The following PCDH7 variants were observed in gnomAD, a reference collection of about 807,000 sequenced individuals.
The protein encoded by PCDH7 is protocadherin 7.
A neutral mutation model predicts 58.9 loss-of-function variants in PCDH7; 17 were observed. That is an observed-to-expected ratio of 0.29 (90% CI 0.20 to 0.43). The LOEUF (loss-of-function observed/expected upper bound fraction) is 0.43. Ranked by LOEUF, PCDH7 falls within the 20% of genes least tolerant of loss-of-function variation. PCDH7 has a pLI of 1.00. For synonymous variants in PCDH7, 664 were observed against 616.4 expected (o/e 1.08, Z -1.14); for missense variants, 1,274 against 1,441.0 (o/e 0.88, Z 1.88).
intron 2 of PCDH7, among the ~76,000 whole-genome samples, chr4:30,931,698 T>C (rs928463885): frequency 6.6e-6 from 1 of 151,920 alleles, no homozygotes; most frequent in South Asian, 2.1e-4. Context: ...AGAACACACT[T>C]GAGAACTTCT....
chr4:30,886,637 G>T (rs1027340431), intron 1 of PCDH7, among the ~76,000 whole-genome samples: 2 of 149,938 alleles, frequency 1.3e-5, no homozygotes, highest in Admixed American at 1.3e-4. Context: ...ATACCCAAAG[G>T]ACTATAAATC....
intron 3 of PCDH7, among the ~76,000 whole-genome samples, chr4:30,976,976 A>C (rs2109480616): frequency 6.6e-6 from 1 of 152,270 alleles, no homozygotes; most frequent in Admixed American, 6.5e-5. Flanking sequence ...AGTCATTTAA[A>C]TCTATGCTGT....
intron 1 of PCDH7, among the ~76,000 whole-genome samples, chr4:30,882,048 C>G (rs1350224465): frequency 6.6e-6 from 1 of 151,740 alleles, no homozygotes; most frequent in Non-Finnish European, 1.5e-5. Flanking sequence ...AGTCCTTTCT[C>G]TTCCTCCTCC....
intron 1 of PCDH7, among the ~76,000 whole-genome samples, chr4:30,831,302 C>A (rs768982074): frequency 6.6e-6 from 1 of 152,086 alleles, no homozygotes; most frequent in African/African-American, 2.4e-5. Flanking sequence ...CGTCTTGAGA[C>A]CCACTCCAGA....
intron 3 of PCDH7, among the ~76,000 whole-genome samples, chr4:31,062,402 G>A (rs143286566): frequency 6.6e-6 from 1 of 151,830 alleles, no homozygotes; most frequent in Non-Finnish European, 1.5e-5. Flanking sequence ...GGATATTTCT[G>A]AAAATAATAG....
chr4:30,954,100 G>T (rs1223215041), intron 3 of PCDH7, among the ~76,000 whole-genome samples: 2 of 152,100 alleles, frequency 1.3e-5, no homozygotes, highest in African/African-American at 4.8e-5. Flanking sequence ...ATGCCAAATT[G>T]CTGTCAATAT....
At position 31,037,020 on chromosome 4, in the gene PCDH7, G is replaced by T. The variant is rs553946809; in HGVS notation, c.*7+86805G>T. ...CCCCCTGATTCAATTACCTCCCACC[G>T]CGTCCCTCCCATAGCACATGGGAAT... On this transcript the variant is annotated intron_variant, in intron 3 of 3. Transcript: ENST00000509759. Among the ~76,000 whole-genome samples the T allele has an allele frequency of 3.1e-4, 47 of 152,142 alleles. 2 individuals carry two copies. Among genetic ancestry groups the T allele is most frequent in the African/African-American group, 9.6e-4 (40 of 41,514 alleles).
chr4:31,140,868 G>A (rs749461811), intron 3 of PCDH7, among the ~76,000 whole-genome samples: 14 of 152,056 alleles, frequency 9.2e-5, no homozygotes, highest in Non-Finnish European at 1.3e-4. Context: ...TGGCAGCATC[G>A]GCAACTGGAA....
At chr4:30,996,881 T>C (rs1751944946) in intron 3 of PCDH7, among the ~76,000 whole-genome samples, 1 of 152,224 alleles carries the variant, frequency 6.6e-6, no homozygotes, top group South Asian at 2.1e-4. Context: ...TTTAACATAT[T>C]ATACTCTGCA....
At chr4:31,030,203 T>A (rs2109184679) in intron 3 of PCDH7, among the ~76,000 whole-genome samples, 1 of 151,622 alleles carries the variant, frequency 6.6e-6, no homozygotes, top group African/African-American at 2.4e-5. Flanking sequence ...GCAGCAAGAC[T>A]GCCAGTTATA....
intron 3 of PCDH7, among the ~76,000 whole-genome samples, chr4:31,027,194 T>TC (rs1560585765): frequency 6.6e-6 from 1 of 151,806 alleles, no homozygotes; most frequent in Admixed American, 6.6e-5. Flanking sequence ...GCTAAATTAA[T>TC]CCCCCCAAGG....
At chr4:31,131,400 T>A (rs962788876) in intron 3 of PCDH7, among the ~76,000 whole-genome samples, 1 of 152,200 alleles carries the variant, frequency 6.6e-6, no homozygotes, top group African/African-American at 2.4e-5. Flanking sequence ...TTTATTTACC[T>A]GCTCTGCACT....
At chr4:30,857,902 A>T (rs1451435544) in intron 1 of PCDH7, among the ~76,000 whole-genome samples, 1 of 152,180 alleles carries the variant, frequency 6.6e-6, no homozygotes, top group Non-Finnish European at 1.5e-5. Flanking sequence ...TAAACAATGC[A>T]GTTCATTGGA....
At chr4:31,032,209 T>C (rs1156545334) in intron 3 of PCDH7, among the ~76,000 whole-genome samples, 1 of 152,244 alleles carries the variant, frequency 6.6e-6, no homozygotes, top group East Asian at 1.9e-4. Context: ...ATTATATTTG[T>C]ATAAATTATA....
chr4:31,123,321 T>A (rs1459425923), intron 3 of PCDH7, among the ~76,000 whole-genome samples: 1 of 152,146 alleles, frequency 6.6e-6, no homozygotes, highest in Non-Finnish European at 1.5e-5. Flanking sequence ...ATATTCTATC[T>A]ATCAAATATG....
chr4:31,089,158 C>T (rs1164038449), intron 3 of PCDH7, among the ~76,000 whole-genome samples: 4 of 151,998 alleles, frequency 2.6e-5, no homozygotes, highest in Non-Finnish European at 5.9e-5. Context: ...ACTGCAGGGA[C>T]ATTGTGTTAT....
downstream of PCDH7, among the ~76,000 whole-genome samples, chr4:30,734,186 C>T (rs868527651): frequency 4.0e-4 from 61 of 151,822 alleles, no homozygotes; most frequent in African/African-American, 1.4e-3. Context: ...CTTTGATGTG[C>T]GTGACTTTTT....
chr4:30,815,368 A>T (rs941785095), intron 1 of PCDH7, among the ~76,000 whole-genome samples: 23 of 152,122 alleles, frequency 1.5e-4, no homozygotes, highest in African/African-American at 5.3e-4. Context: ...TTTATTAAAA[A>T]GTTTTAGAGC....
chr4:30,996,209 T>C (rs948874247), intron 3 of PCDH7, among the ~76,000 whole-genome samples: 1 of 152,200 alleles, frequency 6.6e-6, no homozygotes. Flanking sequence ...GTCTAACACA[T>C]GCTGACTATC....
Sources: gnomAD v4.1 joint callset for allele counts (sites outside exome capture counted in the v4.1 genomes callset) on GRCh38, gnomAD v4.1.1 for gene constraint, MANE v1.5 for transcripts, NCBI Gene and HGNC (gene_info 2026-07-23, HGNC 2026-07-21) for gene names.